NUP35: variants seen among roughly 807,000 people sequenced by gnomAD.
NUP35 encodes nucleoporin NUP35.
In NUP35, 25 loss-of-function variants were observed where a neutral mutation model predicts 41.5. The ratio of observed to expected loss-of-function variants is 0.60; its 90% CI spans 0.44 to 0.84. The LOEUF (loss-of-function observed/expected upper bound fraction) is 0.84. Ranked by LOEUF, NUP35 falls within the 40% of genes least tolerant of loss-of-function variation. The pLI is 0.00. For missense variants in NUP35, 396 were observed against 396.6 expected, an observed-to-expected ratio of 1.00 and a Z score of 0.01; for synonymous variants, 149 against 130.7, an observed-to-expected ratio of 1.14 and a Z score of -0.96.
chr2:183,144,144 C>T (rs1685194617), intron 4 of NUP35, among the ~76,000 whole-genome samples: 1 of 152,208 alleles, frequency 6.6e-6, no homozygotes, highest in Admixed American at 6.5e-5. Context: ...AAGGAAGACA[C>T]ATAGGGTGAC....
intron 1 of NUP35, among the ~76,000 whole-genome samples, chr2:183,118,083 AC>A (rs1327319955): frequency 6.6e-6 from 1 of 152,170 alleles, no homozygotes; most frequent in Non-Finnish European, 1.5e-5. Flanking sequence ...AAGCATCTGC[AC>A]CATCCTTTGT....
chr2:183,151,603 T>G lies in NUP35; in HGVS notation c.493T>G (p.Leu165Val), dbSNP rs1685471851. The G allele has an allele frequency of 6.2e-7, 1 of 1,614,032 alleles. No homozygotes were observed. The change falls in exon 5 of 9, where the codon TTG (leucine) becomes GTG (valine). Residue 165 changes from leucine (L) to valine (V), a missense_variant. By Grantham distance (32) the Leu-to-Val change is conservative. Coordinates refer to ENST00000295119, the MANE Select transcript of NUP35 (RefSeq NM_138285.5). ...LDPFYTQGDS[L>V]TSEDHLDDSW... ...TCCTTTTTATACTCAAGGAGATTCT[T>G]TGACTTCAGAAGATCACCTCGATGA...
intron 4 of NUP35, among the ~76,000 whole-genome samples, chr2:183,136,056 C>T (rs1325289643): frequency 6.6e-6 from 1 of 152,190 alleles, no homozygotes; most frequent in Non-Finnish European, 1.5e-5. Flanking sequence ...TGTGAGCACT[C>T]ATTGGCCGTG....
At chr2:183,144,769 G>A (rs1031374982) in intron 4 of NUP35, among the ~76,000 whole-genome samples, 9 of 152,106 alleles carry the variant, frequency 5.9e-5, no homozygotes, top group African/African-American at 2.2e-4. Flanking sequence ...AAAATTAGTG[G>A]AGCAATTAAA....
In NUP35 at chr2:183,130,406, T is replaced by TTTTG; in HGVS notation, c.212-12_212-11insTTTG. 1 of 1,199,596 alleles carries TTTTG rather than the reference T, an allele frequency of 8.3e-7. No individual in the cohort carries two copies. The highest frequency in any genetic ancestry group is 1.1e-6 in the Non-Finnish European group (1 of 925,974). 74.3% of individuals were successfully genotyped at this position (1,199,596 alleles called of 1,614,324 possible). On this transcript the variant is annotated splice_polypyrimidine_tract_variant and intron_variant, in intron 2 of 8. Coordinates refer to ENST00000295119, the MANE Select transcript of NUP35 (RefSeq NM_138285.5). Reference sequence around the variant, plus strand: ...GAATCCCTTTTTTTTTTTTTTTTTTTGTACACTGTAGGTGGGTCACCACCA... The same window carrying TTTTG: ...GAATCCCTTTTTTTTTTTTTTTTTTTTTTGGTACACTGTAGGTGGGTCACCACCA...
chr2:183,129,494 A>G (rs1362914384), intron 2 of NUP35, among the ~76,000 whole-genome samples: 3 of 152,220 alleles, frequency 2.0e-5, no homozygotes, highest in Non-Finnish European at 4.4e-5. Flanking sequence ...ATCAGGGAGA[A>G]TTATAAATTA....
In NUP35 at chr2:183,149,674, T is replaced by C. The variant is rs565286016; in HGVS notation, c.398-1834T>C. On this transcript the variant is annotated intron_variant, in intron 4 of 8. Coordinates refer to ENST00000295119, the MANE Select transcript of NUP35 (RefSeq NM_138285.5). Reference sequence around the variant, plus strand: ...GGAGCCAAGAATCTCCAGACCACACTTGTAGTACTGCCACAGGAAATAAAC... The same window carrying C: ...GGAGCCAAGAATCTCCAGACCACACCTGTAGTACTGCCACAGGAAATAAAC... Among the ~76,000 whole-genome samples, 5 of 152,276 alleles carry C rather than the reference T, an allele frequency of 3.3e-5. No individual in the cohort carries two copies. In the South Asian group the frequency reaches 1.0e-3, roughly 32 times the overall value.
upstream of NUP35, among the ~76,000 whole-genome samples, chr2:183,122,153 T>A (rs1317664831): frequency 6.6e-6 from 1 of 151,872 alleles, no homozygotes; most frequent in Non-Finnish European, 1.5e-5. Context: ...CTTGGCTCAC[T>A]GCAACCTCCA....
At chr2:183,123,794 C>G, upstream of NUP35, 1 of 985,312 alleles carries the variant, frequency 1.0e-6, no homozygotes, top group Non-Finnish European at 1.2e-6. Flanking sequence ...CATGCAGAAG[C>G]ACGCAAGATT....
chr2:183,159,418 A>G lies in NUP35; in HGVS notation c.739-70A>G, dbSNP rs1456373131. ...TCTTTATCTTTTAATTAAATTTTCTAAGTAGGATGTAATACTGGATGATAT... is the reference window on the plus strand; with the variant it reads ...TCTTTATCTTTTAATTAAATTTTCTGAGTAGGATGTAATACTGGATGATAT... On this transcript the variant is annotated intron_variant, in intron 7 of 8. Coordinates refer to ENST00000295119, the MANE Select transcript of NUP35 (RefSeq NM_138285.5). 4.5e-6 allele frequency: 5 copies of G among 1,115,920 alleles called. No individual in the cohort carries two copies. In the African/African-American group the frequency reaches 8.1e-5, roughly 18 times the overall value. 69.1% of individuals were successfully genotyped at this position (1,115,920 alleles called of 1,614,324 possible). A position where few individuals can be genotyped will look rare whatever the true frequency, so the allele number is the denominator to read the frequency against.
At chr2:183,153,262 T>C (rs1337596243) in intron 5 of NUP35, among the ~76,000 whole-genome samples, 3 of 152,112 alleles carry the variant, frequency 2.0e-5, no homozygotes, top group Non-Finnish European at 4.4e-5. Flanking sequence ...CCTTGGCCCC[T>C]CTAAATCTCA....
chr2:183,145,462 C>T (rs1378915379), intron 4 of NUP35, among the ~76,000 whole-genome samples: 1 of 152,108 alleles, frequency 6.6e-6, no homozygotes, highest in Non-Finnish European at 1.5e-5. Context: ...GATACTCAGC[C>T]TATACCTATT....
chr2:183,144,792 G>T (rs1199477423), intron 4 of NUP35, among the ~76,000 whole-genome samples: 1 of 152,148 alleles, frequency 6.6e-6, no homozygotes, highest in Non-Finnish European at 1.5e-5. Context: ...TTAACTAGGT[G>T]GGGGGCAATT....
chr2:183,140,907 TCC>T, intron 4 of NUP35, among the ~76,000 whole-genome samples: 1 of 151,998 alleles, frequency 6.6e-6, no homozygotes, highest in Non-Finnish European at 1.5e-5. Context: ...AACTAGCCAG[TCC>T]AGATCTTAGA....
At position 183,161,488 on chromosome 2, in the gene NUP35, T is replaced by C. The variant is rs1685877902; in HGVS notation, c.*357T>C. 6.2e-6 allele frequency: 1 copy of C among 160,314 alleles called. No homozygotes were observed. Among genetic ancestry groups the C allele is most frequent in the African/African-American group, 2.4e-5 (1 of 41,820 alleles). The allele number at this position is 160,314 out of a possible 1,614,324, so 9.9% of individuals were successfully genotyped here. ...GGGGGTGAATTTCATGAAGGGGAAC[T>C]ATAGTTATTTCTACCGACACAAATA... On this transcript the variant is annotated 3_prime_UTR_variant, in exon 9 of 9. Coordinates refer to ENST00000295119, the MANE Select transcript of NUP35 (RefSeq NM_138285.5).
intron 3 of NUP35, among the ~76,000 whole-genome samples, chr2:183,132,374 G>A (rs1684727316): frequency 2.0e-5 from 3 of 150,714 alleles, no homozygotes; most frequent in Admixed American, 6.6e-5. Flanking sequence ...GCTACATGGC[G>A]AAACTCTTGT....
intron 8 of NUP35, 69 bp downstream of exon 8, chr2:183,159,721 ATTGTATTGAT>A (rs1352287687): frequency 1.6e-6 from 2 of 1,234,486 alleles, no homozygotes; most frequent in African/African-American, 3.0e-5. Flanking sequence ...TAACTTTTTC[ATTGTATTGAT>A]TTGTATGCCA....
At chr2:183,125,521 T>C (rs1684434246) in intron 1 of NUP35, among the ~76,000 whole-genome samples, 1 of 152,232 alleles carries the variant, frequency 6.6e-6, no homozygotes, top group African/African-American at 2.4e-5. Context: ...TGAACTACTT[T>C]AGTCTGTCAT....
chr2:183,139,362 A>C (rs1409948844), intron 4 of NUP35, among the ~76,000 whole-genome samples: 1 of 152,018 alleles, frequency 6.6e-6, no homozygotes, highest in Non-Finnish European at 1.5e-5. Flanking sequence ...ATGTGCCACC[A>C]TGCCATACCC....
Sources: gnomAD v4.1 joint callset for allele counts (sites outside exome capture counted in the v4.1 genomes callset) on GRCh38, gnomAD v4.1.1 for gene constraint, MANE v1.5 for transcripts, NCBI Gene and HGNC (gene_info 2026-07-23, HGNC 2026-07-21) for gene names.